Variants in SLC16A7 observed in about 807,000 individuals in gnomAD.
The protein encoded by SLC16A7 is monocarboxylate transporter 2.
SLC16A7 carries 33 observed loss-of-function variants against 34.9 expected under a neutral mutation model. That is an observed-to-expected ratio of 0.94 (90% CI 0.72 to 1.26). The LOEUF (loss-of-function observed/expected upper bound fraction) is 1.26. Among genes scored for constraint, SLC16A7 ranks in the 50% most tolerant of loss-of-function variants. The probability of loss-of-function intolerance (pLI) is 0.00; values close to 1 mark genes in which losing one functional copy is unlikely to be tolerated. For missense variants in SLC16A7, 573 were observed against 578.1 expected (o/e 0.99, Z 0.09); for synonymous variants, 201 against 206.6 (o/e 0.97, Z 0.23).
chr12:59,679,688 G>A (rs1870595801), intron 2 of SLC16A7, among the ~76,000 whole-genome samples: 1 of 152,040 alleles, frequency 6.6e-6, no homozygotes, highest in Non-Finnish European at 1.5e-5. Flanking sequence ...TTATGTCTTA[G>A]TCATCTTTGT....
At chr12:59,734,951 C>G (rs1375824110) in intron 3 of SLC16A7, among the ~76,000 whole-genome samples, 3 of 152,232 alleles carry the variant, frequency 2.0e-5, no homozygotes, top group Non-Finnish European at 2.9e-5. Flanking sequence ...TTGACATTTC[C>G]TTTTCTATTG....
intron 1 of SLC16A7, among the ~76,000 whole-genome samples, chr12:59,632,870 T>A (rs1489211110): frequency 6.6e-6 from 1 of 152,008 alleles, no homozygotes; most frequent in East Asian, 1.9e-4. Context: ...TGAGACACAC[T>A]TGGGGAAGAA....
chr12:59,662,550 C>T (rs1592448493), intron 2 of SLC16A7, among the ~76,000 whole-genome samples: 1 of 152,058 alleles, frequency 6.6e-6, no homozygotes, highest in African/African-American at 2.4e-5. Context: ...CCATTCTCTC[C>T]CCAGGGCTCC....
In SLC16A7 at chr12:59,712,590, C is replaced by CCCGT. The variant is rs977729238; in HGVS notation, c.217+7573_217+7576dup. Reference sequence around the variant, plus strand: ...TCTCCGTCAACCCGGTGTAGAAAGGCCCGTTTTCATTCAGAAACTACTGAT... The same window carrying CCCGT: ...TCTCCGTCAACCCGGTGTAGAAAGGCCCGTCCGTTTTCATTCAGAAACTACTGAT... On this transcript the variant is annotated intron_variant, in intron 3 of 5. Transcript: ENST00000547379. 4.9e-4 allele frequency among the ~76,000 whole-genome samples: 74 copies of CCCGT among 152,310 alleles called. 6 individuals are homozygous for CCCGT. Among genetic ancestry groups the CCCGT allele is most frequent in the African/African-American group, 1.7e-3 (69 of 41,586 alleles).
chr12:59,692,109 G>T (rs1309137244), intron 2 of SLC16A7, among the ~76,000 whole-genome samples: 1 of 151,970 alleles, frequency 6.6e-6, no homozygotes, highest in East Asian at 1.9e-4. Flanking sequence ...TCTAGCTTCT[G>T]GTGGCAGTTG....
Position 59,712,535 on chromosome 12 carries a change from T to C in SLC16A7, c.217+7517T>C, listed in dbSNP as rs1488159318. Among the ~76,000 whole-genome samples the C allele has an allele frequency of 2.0e-5, 3 of 152,324 alleles. No homozygotes were observed. The East Asian group carries it at 5.8e-4, about 29-fold the overall frequency. The stretch of plus-strand genomic sequence containing the variant: ...AGAAATATACTTTCTCAGAGTTTAT[T>C]ACACTTAAGGGCACAGGCATGTGAC... On this transcript the variant is annotated intron_variant, in intron 3 of 5. Transcript: ENST00000547379.
intron 3 of SLC16A7, among the ~76,000 whole-genome samples, chr12:59,706,971 G>A (rs1009031158): frequency 2.0e-5 from 3 of 152,006 alleles, no homozygotes; most frequent in African/African-American, 4.8e-5. Context: ...AGACCTCAGA[G>A]TCTTGATGAC....
At chr12:59,673,573 T>G (rs1276732080) in intron 2 of SLC16A7, among the ~76,000 whole-genome samples, 1 of 152,072 alleles carries the variant, frequency 6.6e-6, no homozygotes, top group Non-Finnish European at 1.5e-5. Context: ...TATTTTCTTC[T>G]CTTTTGTGCA....
rs1353839069 is a variant in SLC16A7 at position 59,725,743 on chromosome 12, C to T, written c.217+20725C>T. 2.0e-5 allele frequency among the ~76,000 whole-genome samples: 3 copies of T among 152,138 alleles called. No individual in the cohort carries two copies. In the East Asian group the frequency reaches 5.8e-4, roughly 29 times the overall value. ...TTCAAAAAATATGAAGTTATTCCAT[C>T]ACTGTCCTTAGTATTCTTTGGCCAT... On this transcript the variant is annotated intron_variant, in intron 3 of 5. Coordinates refer to ENST00000547379, the MANE Select transcript of SLC16A7 (RefSeq NM_001270623.2).
chr12:59,664,180 C>T (rs1405953473), intron 2 of SLC16A7, among the ~76,000 whole-genome samples: 1 of 152,072 alleles, frequency 6.6e-6, no homozygotes, highest in Non-Finnish European at 1.5e-5. Context: ...TATCATGTAT[C>T]ATTTAGAGAA....
In SLC16A7 at chr12:59,774,661, A is replaced by G; in HGVS notation, c.366A>G (p.Leu122=). Residue 122 remains leucine (L), a synonymous_variant, in exon 5 of 6, where the codon TTA becomes TTG. Transcript: ENST00000547379. The stretch of plus-strand genomic sequence containing the variant: ...CTTTTGTTTTGTTCTTTTTAGGTTT[A>G]GGTTTAGCCTTCAACCTGCAACCCG... ...LYLTMGFITG[L]GLAFNLQPAL... 4 of 1,565,528 alleles carry G rather than the reference A, an allele frequency of 2.6e-6. No homozygotes were observed. Among genetic ancestry groups the G allele is most frequent in the Non-Finnish European group, 3.5e-6 (4 of 1,158,228 alleles).
At chr12:59,687,578 C>T (rs1871256702) in intron 2 of SLC16A7, among the ~76,000 whole-genome samples, 1 of 152,094 alleles carries the variant, frequency 6.6e-6, no homozygotes, top group South Asian at 2.1e-4. Flanking sequence ...TGCACCCTAG[C>T]TCAGATTTTG....
At chr12:59,714,924 TATG>T (rs1874724473) in intron 3 of SLC16A7, among the ~76,000 whole-genome samples, 1 of 152,164 alleles carries the variant, frequency 6.6e-6, no homozygotes, top group African/African-American at 2.4e-5. Context: ...TAATATTTCT[TATG>T]ACCTTATTTA....
At chr12:59,692,161 C>G (rs537624660) in intron 2 of SLC16A7, among the ~76,000 whole-genome samples, 7 of 152,088 alleles carry the variant, frequency 4.6e-5, no homozygotes, top group African/African-American at 1.4e-4. Context: ...TGCTGGGCCT[C>G]CATCCTCACA....
At chr12:59,749,321 C>A (rs910879200) in intron 3 of SLC16A7, among the ~76,000 whole-genome samples, 1 of 152,136 alleles carries the variant, frequency 6.6e-6, no homozygotes, top group Non-Finnish European at 1.5e-5. Flanking sequence ...ACAATGAGAA[C>A]CCTTTTTCTG....
intron 2 of SLC16A7, among the ~76,000 whole-genome samples, chr12:59,685,423 A>G: frequency 6.6e-6 from 1 of 152,140 alleles, no homozygotes; most frequent in Non-Finnish European, 1.5e-5. Flanking sequence ...TTGATCCTTT[A>G]TAGGAAATGC....
At chr12:59,615,478 T>TA (rs1384516306) in intron 1 of SLC16A7, among the ~76,000 whole-genome samples, 1 of 152,226 alleles carries the variant, frequency 6.6e-6, no homozygotes, top group African/African-American at 2.4e-5. Context: ...TTGTTTTTTT[T>TA]ACAATCTCTT....
intron 1 of SLC16A7, among the ~76,000 whole-genome samples, chr12:59,643,176 T>TA (rs1880759578): frequency 6.6e-6 from 1 of 152,144 alleles, no homozygotes; most frequent in Non-Finnish European, 1.5e-5. Context: ...TCCAATGTAA[T>TA]TATTCACATT....
intron 2 of SLC16A7, among the ~76,000 whole-genome samples, chr12:59,674,016 C>G (rs1405047878): frequency 6.6e-6 from 1 of 152,148 alleles, no homozygotes; most frequent in East Asian, 1.9e-4. Flanking sequence ...ATAGTTATTA[C>G]TATAGAGCAG....
Sources: gnomAD v4.1 joint callset for allele counts (sites outside exome capture counted in the v4.1 genomes callset) on GRCh38, gnomAD v4.1.1 for gene constraint, MANE v1.5 for transcripts, NCBI Gene and HGNC (gene_info 2026-07-23, HGNC 2026-07-21) for gene names.